Variants in PRDM16 observed in about 807,000 individuals in gnomAD.
The protein encoded by PRDM16 is histone-lysine N-methyltransferase PRDM16.
A neutral mutation model predicts 110.6 loss-of-function variants in PRDM16; 23 were observed. The observed-to-expected ratio is 0.21, with a 90% CI of 0.15 to 0.29. The LOEUF (loss-of-function observed/expected upper bound fraction) is 0.29, where lower values mean the gene tolerates loss of function less well. Ranked by LOEUF, PRDM16 falls within the 10% of genes least tolerant of loss-of-function variation. The pLI, the probability that PRDM16 is intolerant of heterozygous loss-of-function variation, is 1.00. For missense variants in PRDM16, 1,615 were observed against 1,794.3 expected, an observed-to-expected ratio of 0.90 and a Z score of 1.81; for synonymous variants, 799 against 781.8, an observed-to-expected ratio of 1.02 and a Z score of -0.37.
intron 2 of PRDM16, among the ~76,000 whole-genome samples, chr1:3,199,665 T>C (rs1323087140): frequency 6.6e-6 from 1 of 152,212 alleles, no homozygotes; most frequent in Non-Finnish European, 1.5e-5. Flanking sequence ...GGGCCTCTGA[T>C]GAGCCTCTCT....
intron 1 of PRDM16, among the ~76,000 whole-genome samples, chr1:3,074,822 CAG>C (rs1641860626): frequency 1.3e-5 from 2 of 152,352 alleles, no homozygotes; most frequent in Non-Finnish European, 2.9e-5. Context: ...GCCCAGCAGT[CAG>C]GGGGAGGTGG....
At chr1:3,400,222 G>T (rs983157228) in intron 5 of PRDM16, among the ~76,000 whole-genome samples, 2 of 152,220 alleles carry the variant, frequency 1.3e-5, no homozygotes, top group Non-Finnish European at 2.9e-5. Context: ...GCCTCAGTTT[G>T]CCAGTTCTGA....
intron 1 of PRDM16, among the ~76,000 whole-genome samples, chr1:3,149,880 T>C (rs1643744739): frequency 6.6e-6 from 1 of 152,192 alleles, no homozygotes; most frequent in Admixed American, 6.5e-5. Context: ...CTGAGATGCG[T>C]GTACTCCTGC....
At chr1:3,101,907 T>G (rs1570250832) in intron 1 of PRDM16, among the ~76,000 whole-genome samples, 1 of 152,240 alleles carries the variant, frequency 6.6e-6, no homozygotes, top group East Asian at 1.9e-4. Flanking sequence ...GCTAGAGTCC[T>G]GGGCTGGGGC....
At chr1:3,260,834 G>T (rs527518483) in intron 3 of PRDM16, among the ~76,000 whole-genome samples, 6 of 146,810 alleles carry the variant, frequency 4.1e-5, no homozygotes, top group Middle Eastern at 3.5e-3. Flanking sequence ...CGATGATGAT[G>T]ATGAGCCTCA....
chr1:3,131,667 C>T (rs1230698209), intron 1 of PRDM16, among the ~76,000 whole-genome samples: 2 of 152,242 alleles, frequency 1.3e-5, no homozygotes, highest in African/African-American at 2.4e-5. Flanking sequence ...GGGTTGGTCA[C>T]GCCTCTGGTC....
chr1:3,273,817 A>AGTGT (rs57550885), intron 3 of PRDM16, among the ~76,000 whole-genome samples: 3,610 of 137,012 alleles, frequency 0.026, 51 homozygotes, highest in Middle Eastern at 0.068. Flanking sequence ...TAGGCATGTA[A>AGTGT]GTGTGTGTGT....
intron 3 of PRDM16, among the ~76,000 whole-genome samples, chr1:3,369,240 A>G (rs1642870060): frequency 6.6e-6 from 1 of 152,236 alleles, no homozygotes; most frequent in Non-Finnish European, 1.5e-5. Flanking sequence ...CTGACTCTGC[A>G]GCACCTCTGT....
Position 3,208,699 on chromosome 1 carries a change from G to A in PRDM16, c.387+22225G>A, listed in dbSNP as rs1638811024. ...AAAAAGAAAAGAAAAGAAAAGAAAAGAAAGTGTCTCCAGATATCTCCGCCA... is the reference window on the plus strand; with the variant it reads ...AAAAAGAAAAGAAAAGAAAAGAAAAAAAAGTGTCTCCAGATATCTCCGCCA... On this transcript the variant is annotated intron_variant, in intron 2 of 16. Coordinates refer to ENST00000270722, the MANE Select transcript of PRDM16 (RefSeq NM_022114.4). This position sits in a 1 kb window ranked among gnomAD's most constrained non-coding sequence, Gnocchi z 6.1. 1 of 151,910 alleles carries A rather than the reference G, an allele frequency of 6.6e-6. No individual in the cohort carries two copies. Among genetic ancestry groups the A allele is most frequent in the African/African-American group, 2.4e-5 (1 of 41,198 alleles). The allele number at this position is 151,910 out of a possible 1,614,324, so 9.4% of individuals were successfully genotyped here.
chr1:3,135,952 G>C (rs1478036018), intron 1 of PRDM16, among the ~76,000 whole-genome samples: 2 of 152,012 alleles, frequency 1.3e-5, no homozygotes, highest in Non-Finnish European at 1.5e-5. Context: ...TGGGCGCCCG[G>C]CTGGGGAGAG....
At chr1:3,365,535 G>T (rs1476922940) in intron 3 of PRDM16, among the ~76,000 whole-genome samples, 1 of 152,214 alleles carries the variant, frequency 6.6e-6, no homozygotes, top group South Asian at 2.1e-4. Flanking sequence ...AAGAGCTCTG[G>T]ACCATGGGGT....
chr1:3,266,615 C>G (rs116643425), intron 3 of PRDM16, among the ~76,000 whole-genome samples: 2,489 of 152,342 alleles, frequency 0.016, 80 homozygotes, highest in African/African-American at 0.056. Flanking sequence ...AGGCACGGGC[C>G]TGCACCCTCC....
intron 14 of PRDM16, among the ~76,000 whole-genome samples, chr1:3,426,881 GTGC>G (rs1638623011): frequency 6.6e-6 from 1 of 152,184 alleles, no homozygotes; most frequent in African/African-American, 2.4e-5. Flanking sequence ...CAGGAACTGT[GTGC>G]TCTGCCCTTT....
chr1:3,215,305 T>A (rs1638993089), intron 2 of PRDM16, among the ~76,000 whole-genome samples: 1 of 116,892 alleles, frequency 8.6e-6, no homozygotes, highest in South Asian at 3.1e-4. Flanking sequence ...TGGGACCATG[T>A]CAGGAAGAAA....
intron 1 of PRDM16, among the ~76,000 whole-genome samples, chr1:3,118,397 G>A (rs1398063124): frequency 1.3e-5 from 2 of 152,186 alleles, no homozygotes; most frequent in African/African-American, 4.8e-5. Context: ...GACAGCCATG[G>A]AGAGGGGCTC....
rs150629434 is a variant in PRDM16 at position 3,185,421 on chromosome 1, G to A, written c.38-704G>A. ...CACCAGCCTCCCCAAGACCCAGCCA[G>A]CCCTACCCCAGTGCATGTCCAGGCT... On this transcript the variant is annotated intron_variant, in intron 1 of 16. Transcript: ENST00000270722. 2.5e-3 allele frequency among the ~76,000 whole-genome samples: 380 copies of A among 152,238 alleles called. 3 individuals are homozygous for A. The highest frequency in any genetic ancestry group is 8.5e-3 in the African/African-American group (354 of 41,548).
At chr1:3,250,224 G>T (rs1639897207) in intron 3 of PRDM16, among the ~76,000 whole-genome samples, 1 of 151,672 alleles carries the variant, frequency 6.6e-6, no homozygotes, top group South Asian at 2.1e-4. Context: ...CAGAAATCAG[G>T]CCTGAGGGAG....
intron 3 of PRDM16, among the ~76,000 whole-genome samples, chr1:3,341,879 G>A (rs1468109922): frequency 6.6e-6 from 1 of 152,340 alleles, no homozygotes. Flanking sequence ...AGGTGAGTCC[G>A]GGCTGTCTTC....
At chr1:3,176,127 T>C (rs1644084142) in intron 1 of PRDM16, among the ~76,000 whole-genome samples, 1 of 151,700 alleles carries the variant, frequency 6.6e-6, no homozygotes, top group Non-Finnish European at 1.5e-5. Flanking sequence ...ATTCCTTCAT[T>C]AACCCATCCA....
Sources: gnomAD v4.1 joint callset for allele counts (sites outside exome capture counted in the v4.1 genomes callset) on GRCh38, gnomAD v4.1.1 for gene constraint, Gnocchi (gnomAD v3.1) non-coding constraint, MANE v1.5 for transcripts, NCBI Gene and HGNC (gene_info 2026-07-23, HGNC 2026-07-21) for gene names.